The following KCNT2 variants were observed in gnomAD, a reference collection of about 807,000 sequenced individuals.
The protein encoded by KCNT2 is potassium channel subfamily T member 2.
In KCNT2, 67 loss-of-function variants were observed where a neutral mutation model predicts 153.8. The observed-to-expected ratio is 0.44, with a 90% CI of 0.36 to 0.53. The LOEUF (loss-of-function observed/expected upper bound fraction) is 0.53. Ranked by LOEUF, KCNT2 falls within the 20% of genes least tolerant of loss-of-function variation. The probability of loss-of-function intolerance (pLI) is 0.00; values close to 1 mark genes in which losing one functional copy is unlikely to be tolerated. For missense variants in KCNT2, 975 were observed against 1,354.8 expected (o/e 0.72, Z 4.40); for synonymous variants, 500 against 458.8 (o/e 1.09, Z -1.15).
intron 16 of KCNT2, among the ~76,000 whole-genome samples, chr1:196,338,995 T>G (rs946538644): frequency 1.4e-5 from 2 of 146,606 alleles, no homozygotes; most frequent in Non-Finnish European, 3.0e-5. Flanking sequence ...AAAAACGGTG[T>G]TGAATGACTG....
At chr1:196,593,433 G>T (rs1021537666) in intron 1 of KCNT2, among the ~76,000 whole-genome samples, 1 of 151,124 alleles carries the variant, frequency 6.6e-6, no homozygotes, top group Non-Finnish European at 1.5e-5. Flanking sequence ...TTTTTCAATT[G>T]TGAATTGTGC....
At chr1:196,304,181 T>A in intron 22 of KCNT2, among the ~76,000 whole-genome samples, 1 of 152,060 alleles carries the variant, frequency 6.6e-6, no homozygotes, top group East Asian at 1.9e-4. Context: ...TTTGGATAAA[T>A]CAATAGATGA....
At chr1:196,538,084 G>A (rs148332906) in intron 1 of KCNT2, among the ~76,000 whole-genome samples, 2 of 152,142 alleles carry the variant, frequency 1.3e-5, no homozygotes, top group African/African-American at 4.8e-5. Flanking sequence ...GGATCTCTCA[G>A]GGACTGGGTG....
chr1:196,473,358 C>G (rs1678258948), intron 5 of KCNT2, among the ~76,000 whole-genome samples: 1 of 152,148 alleles, frequency 6.6e-6, no homozygotes, highest in Non-Finnish European at 1.5e-5. Context: ...ACACTTTAAA[C>G]TCTGTGAGGT....
Position 196,450,816 on chromosome 1 carries a change from C to A in KCNT2, c.638+14477G>T, listed in dbSNP as rs1048471664. The stretch of plus-strand genomic sequence containing the variant: ...TTTTATTAAAACGTCTATCTGAGTA[C>A]GTTCTTCAAATAAGTAAATAAAGCT... On this transcript the variant is annotated intron_variant, in intron 8 of 27. Coordinates refer to ENST00000294725, the MANE Select transcript of KCNT2 (RefSeq NM_198503.5). Among the ~76,000 whole-genome samples the A allele has an allele frequency of 2.0e-5, 3 of 151,812 alleles. No individual in the cohort carries two copies. The South Asian group carries it at 6.2e-4, about 31-fold the overall frequency.
intron 1 of KCNT2, among the ~76,000 whole-genome samples, chr1:196,579,093 G>A (rs1030048505): frequency 3.3e-5 from 5 of 152,052 alleles, no homozygotes; most frequent in Admixed American, 6.6e-5. Context: ...GTTTACATTA[G>A]GGTTCACTCG....
chr1:196,567,320 A>T (rs1660233399), intron 1 of KCNT2, among the ~76,000 whole-genome samples: 1 of 152,072 alleles, frequency 6.6e-6, no homozygotes, highest in South Asian at 2.1e-4. Context: ...GTGTAACCTC[A>T]TCAAAATCTC....
intron 25 of KCNT2, chr1:196,273,426 T>A: frequency 7.3e-7 from 1 of 1,379,278 alleles, no homozygotes; most frequent in Non-Finnish European, 9.9e-7. Flanking sequence ...AATTAATATA[T>A]TACACCATTT....
At chr1:196,353,535 T>G (rs1382655387) in intron 14 of KCNT2, among the ~76,000 whole-genome samples, 2 of 152,018 alleles carry the variant, frequency 1.3e-5, no homozygotes, top group Non-Finnish European at 2.9e-5. Context: ...TGTTCCCTTC[T>G]GTTTATTGTT....
In KCNT2 at chr1:196,544,760, C is replaced by T. The variant is rs766484473; in HGVS notation, c.96-52419G>A. 5.5e-4 allele frequency among the ~76,000 whole-genome samples: 84 copies of T among 152,010 alleles called. 1 individual carries two copies. The highest frequency in any genetic ancestry group is 2.9e-4 in the Non-Finnish European group (20 of 67,972). ...AATTTGTTTTCAGACATAAAGTTCA[C>T]TGGAAAAAGAATGCCCTGAGCAGCA... On this transcript the variant is annotated intron_variant, in intron 1 of 27. Coordinates refer to ENST00000294725, the MANE Select transcript of KCNT2 (RefSeq NM_198503.5).
chr1:196,597,800 T>C (rs1490287321), intron 1 of KCNT2, among the ~76,000 whole-genome samples: 1 of 152,210 alleles, frequency 6.6e-6, no homozygotes, highest in African/African-American at 2.4e-5. Flanking sequence ...CTCTATGCTA[T>C]TGCATGAATT....
At chr1:196,329,705 T>C (rs1014097021) in intron 18 of KCNT2, among the ~76,000 whole-genome samples, 1 of 150,218 alleles carries the variant, frequency 6.7e-6, no homozygotes, top group African/African-American at 2.4e-5. Flanking sequence ...TTAATGTTAC[T>C]GAAAATACAT....
rs1406604947 is a variant in KCNT2, at chr1:196,227,040, A to T, written c.*1184T>A. On this transcript the variant is annotated 3_prime_UTR_variant, in exon 28 of 28. Coordinates refer to ENST00000294725, the MANE Select transcript of KCNT2 (RefSeq NM_198503.5). ...ACTGGATATCATCAATGGTCAATTT[A>T]TATTTAAATTTATAACTCAAATTCT... 6.6e-6 allele frequency: 1 copy of T among 152,032 alleles called. No homozygotes were observed. The highest frequency in any genetic ancestry group is 1.5e-5 in the Non-Finnish European group (1 of 67,862). The allele number at this position is 152,032 out of a possible 1,614,324, so 9.4% of individuals were successfully genotyped here.
intron 11 of KCNT2, among the ~76,000 whole-genome samples, chr1:196,423,556 C>A (rs1673392420): frequency 6.6e-6 from 1 of 151,648 alleles, no homozygotes; most frequent in Non-Finnish European, 1.5e-5. Flanking sequence ...GGAGATCATT[C>A]ATCATCTTTT....
At chr1:196,248,266 A>G (rs1332329851) in intron 26 of KCNT2, among the ~76,000 whole-genome samples, 1 of 152,076 alleles carries the variant, frequency 6.6e-6, no homozygotes, top group Non-Finnish European at 1.5e-5. Flanking sequence ...AAGCTAAACC[A>G]AAAATAGTAG....
At chr1:196,464,898 C>T (rs1435567246) in intron 8 of KCNT2, among the ~76,000 whole-genome samples, 1 of 151,944 alleles carries the variant, frequency 6.6e-6, no homozygotes, top group East Asian at 1.9e-4. Flanking sequence ...GAGGCAGAAG[C>T]AGTGATTGGT....
chr1:196,365,321 C>A (rs1667948686), intron 14 of KCNT2, among the ~76,000 whole-genome samples: 1 of 152,052 alleles, frequency 6.6e-6, no homozygotes, highest in Non-Finnish European at 1.5e-5. Context: ...TTGTTCATTT[C>A]AAATGGTCAC....
At chr1:196,377,533 G>A (rs1021974141) in intron 13 of KCNT2, among the ~76,000 whole-genome samples, 3 of 151,886 alleles carry the variant, frequency 2.0e-5, no homozygotes, top group Admixed American at 6.6e-5. Context: ...TACCTATGGA[G>A]AGATGTTTAG....
At chr1:196,453,537 T>G (rs1413109549) in intron 8 of KCNT2, among the ~76,000 whole-genome samples, 3 of 151,990 alleles carry the variant, frequency 2.0e-5, no homozygotes, top group Admixed American at 2.0e-4. Context: ...TAATTTTTGT[T>G]TTCTTGACTG....
Sources: allele counts gnomAD v4.1 joint callset (sites outside exome capture counted in the v4.1 genomes callset), GRCh38; gene constraint gnomAD v4.1.1; transcripts MANE v1.5; gene names NCBI Gene and HGNC (gene_info 2026-07-23, HGNC 2026-07-21).